PCLO: variants seen among roughly 807,000 people sequenced by gnomAD.
PCLO encodes the protein protein piccolo.
A neutral mutation model predicts 427.5 loss-of-function variants in PCLO; 82 were observed. That is an observed-to-expected ratio of 0.19 (90% confidence interval 0.16 to 0.23). PCLO has a LOEUF of 0.23. PCLO is among the 10% of genes least tolerant of loss of function. The pLI, the probability that PCLO is intolerant of heterozygous loss-of-function variation, is 1.00. For synonymous variants in PCLO, 2,357 were observed against 2,155.4 expected (o/e 1.09, Z -2.59); for missense variants, 6,239 against 6,115.9 (o/e 1.02, Z -0.67).
At chr7:82,780,790 A>G (rs771325128) in intron 22 of PCLO, among the ~76,000 whole-genome samples, 1 of 152,236 alleles carries the variant, frequency 6.6e-6, no homozygotes. Flanking sequence ...CAAATGGTAA[A>G]GACAGTATCT....
intron 3 of PCLO, among the ~76,000 whole-genome samples, chr7:82,994,313 G>A (rs1039087686): frequency 3.3e-5 from 5 of 151,868 alleles, no homozygotes; most frequent in Non-Finnish European, 7.4e-5. Context: ...TAAAATTATG[G>A]ATAATATTAG....
intron 3 of PCLO, among the ~76,000 whole-genome samples, chr7:83,082,116 T>TAC (rs144592853): frequency 2.2e-3 from 329 of 148,956 alleles, no homozygotes; most frequent in Middle Eastern, 0.017. Context: ...TCCTATACTA[T>TAC]ACACACACAC....
At chr7:82,924,149 A>C (rs2116310970) in intron 6 of PCLO, among the ~76,000 whole-genome samples, 1 of 152,190 alleles carries the variant, frequency 6.6e-6, no homozygotes, top group Admixed American at 6.6e-5. Flanking sequence ...GAATGCGAAA[A>C]GGCTGACTTC....
chr7:83,031,975 T>A (rs1270543099), intron 3 of PCLO, among the ~76,000 whole-genome samples: 1 of 152,174 alleles, frequency 6.6e-6, no homozygotes, highest in African/African-American at 2.4e-5. Context: ...TAGGATTGCA[T>A]TTGATTAGCT....
At chr7:82,951,733 T>C in intron 5 of PCLO, 123 bp downstream of exon 5, 2 of 1,385,760 alleles carry the variant, frequency 1.4e-6, no homozygotes, top group Non-Finnish European at 1.9e-6. Flanking sequence ...TATGCTGCTA[T>C]AACATCCAAA....
intron 10 of PCLO, among the ~76,000 whole-genome samples, chr7:82,849,193 A>G (rs1415560693): frequency 6.6e-6 from 1 of 152,160 alleles, no homozygotes; most frequent in Non-Finnish European, 1.5e-5. Flanking sequence ...CATTCTTCAC[A>G]TCCCAAAATA....
chr7:82,894,138 TTAAA>T (rs138237464), intron 9 of PCLO, among the ~76,000 whole-genome samples: 5,072 of 152,070 alleles, frequency 0.033, 290 homozygotes, highest in African/African-American at 0.11. Context: ...AAAATCATAA[TTAAA>T]TAGATTACAA....
At chr7:82,855,152 T>A (rs1194169526) in intron 10 of PCLO, among the ~76,000 whole-genome samples, 1 of 152,124 alleles carries the variant, frequency 6.6e-6, no homozygotes, top group Non-Finnish European at 1.5e-5. Context: ...TAGTTAACAA[T>A]AAAAATATTG....
At chr7:82,837,855 G>C (rs1049891599) in intron 15 of PCLO, among the ~76,000 whole-genome samples, 2 of 151,886 alleles carry the variant, frequency 1.3e-5, no homozygotes, top group Non-Finnish European at 2.9e-5. Flanking sequence ...CTTGAATATT[G>C]ATTTCTCAGA....
intron 10 of PCLO, among the ~76,000 whole-genome samples, chr7:82,874,736 T>A (rs1057089449): frequency 6.6e-6 from 1 of 152,118 alleles, no homozygotes; most frequent in African/African-American, 2.4e-5. Flanking sequence ...TAATAATTAA[T>A]CTAGGGTAAA....
At chr7:82,947,105 T>G in intron 6 of PCLO, among the ~76,000 whole-genome samples, 1 of 152,144 alleles carries the variant, frequency 6.6e-6, no homozygotes, top group East Asian at 1.9e-4. Flanking sequence ...TTTGTCCATT[T>G]ATTCCCTCTA....
chr7:83,093,475 T>C (rs1324189592), intron 3 of PCLO, among the ~76,000 whole-genome samples: 33 of 101,352 alleles, frequency 3.3e-4, no homozygotes, highest in African/African-American at 1.5e-3. Context: ...TGTGTGTGTA[T>C]AGATATATAT....
intron 3 of PCLO, 32 bp downstream of exon 3, chr7:83,134,218 A>AATATATATATATATATATATAT (rs61658777): frequency 1.5e-4 from 66 of 430,178 alleles, no homozygotes; most frequent in Admixed American, 8.2e-4. Context: ...CTCCATATGT[A>AATATATATATATATATATATAT]ATATATATAT....
intron 3 of PCLO, among the ~76,000 whole-genome samples, chr7:83,110,316 T>G (rs1395852356): frequency 6.6e-6 from 1 of 152,080 alleles, no homozygotes; most frequent in Admixed American, 6.6e-5. Context: ...CTTTTTTTAA[T>G]AAAAAGATTT....
intron 3 of PCLO, among the ~76,000 whole-genome samples, chr7:83,092,892 A>G (rs1790415243): frequency 6.8e-6 from 1 of 147,742 alleles, no homozygotes; most frequent in Non-Finnish European, 1.5e-5. Context: ...GGTTGCAGTG[A>G]GCCAAGATTG....
chr7:82,754,448 C>T lies in PCLO; in HGVS notation c.*4127G>A, dbSNP rs1790276092. The stretch of plus-strand genomic sequence containing the variant: ...TGTGTTTTTAGGATATTAGCACACA[C>T]ATTAATCAGTAGTGGGAGCACCTGA... On this transcript the variant is annotated 3_prime_UTR_variant, in exon 25 of 25. Coordinates refer to ENST00000333891, the MANE Select transcript of PCLO (RefSeq NM_033026.6). 1.3e-5 allele frequency: 2 copies of T among 152,066 alleles called. No individual in the cohort carries two copies. The highest frequency in any genetic ancestry group is 4.8e-5 in the African/African-American group (2 of 41,432). 9.4% of individuals were successfully genotyped at this position (152,066 alleles called of 1,614,324 possible). A position where few individuals can be genotyped will look rare whatever the true frequency, so the allele number is the denominator to read the frequency against.
intron 6 of PCLO, among the ~76,000 whole-genome samples, chr7:82,933,595 A>C (rs1298381640): frequency 7.0e-6 from 1 of 141,890 alleles, no homozygotes; most frequent in Non-Finnish European, 1.5e-5. Flanking sequence ...TTCCTGATAT[A>C]TAAGAAATGA....
intron 10 of PCLO, among the ~76,000 whole-genome samples, chr7:82,868,512 C>T (rs1793152343): frequency 6.6e-6 from 1 of 152,210 alleles, no homozygotes; most frequent in South Asian, 2.1e-4. Flanking sequence ...CAATTTCACT[C>T]ACCTACTCTG....
chr7:82,832,726 T>G (rs1792125790), intron 16 of PCLO, among the ~76,000 whole-genome samples: 1 of 151,726 alleles, frequency 6.6e-6, no homozygotes, highest in South Asian at 2.1e-4. Context: ...GTGTATCTAC[T>G]TTCATAAAAT....
Sources: gnomAD v4.1 joint callset for allele counts (sites outside exome capture counted in the v4.1 genomes callset) on GRCh38, gnomAD v4.1.1 for gene constraint, MANE v1.5 for transcripts, NCBI Gene and HGNC (gene_info 2026-07-23, HGNC 2026-07-21) for gene names.